The following THADA variants were observed in gnomAD, a reference collection of about 807,000 sequenced individuals.
The protein encoded by THADA is tRNA (32-2'-O)-methyltransferase regulator THADA.
THADA carries 213 observed loss-of-function variants against 219.8 expected under a neutral mutation model. The observed-to-expected ratio is 0.97, with a 90% CI of 0.87 to 1.09. THADA has a LOEUF of 1.09. Ranked by LOEUF, THADA falls within the 50% of genes least tolerant of loss-of-function variation. The pLI is 0.00. For missense variants in THADA, 2,956 were observed against 2,311.3 expected, an observed-to-expected ratio of 1.28 and a Z score of -5.72; for synonymous variants, 1,018 against 828.9, an observed-to-expected ratio of 1.23 and a Z score of -3.92.
At chr2:43,367,157 T>C (rs1328082432) in intron 29 of THADA, among the ~76,000 whole-genome samples, 1 of 152,036 alleles carries the variant, frequency 6.6e-6, no homozygotes, top group Non-Finnish European at 1.5e-5. Context: ...GAAAATAGAA[T>C]GGTAGTTGCT....
At chr2:43,461,230 C>A (rs1367193880) in intron 26 of THADA, among the ~76,000 whole-genome samples, 1 of 152,118 alleles carries the variant, frequency 6.6e-6, no homozygotes, top group East Asian at 1.9e-4. Context: ...GTCTACACTG[C>A]CCACACAAAA....
chr2:43,400,396 A>G (rs1674653758), intron 28 of THADA, among the ~76,000 whole-genome samples: 1 of 150,062 alleles, frequency 6.7e-6, no homozygotes, highest in East Asian at 1.9e-4. Flanking sequence ...TTCATTATAA[A>G]GCAATGGTTA....
At chr2:43,529,407 G>A (rs1340148185) in intron 21 of THADA, among the ~76,000 whole-genome samples, 1 of 152,136 alleles carries the variant, frequency 6.6e-6, no homozygotes, top group African/African-American at 2.4e-5. Flanking sequence ...ATTCACAGGT[G>A]TGATCACTGT....
chr2:43,506,491 A>T (rs1315966148), intron 23 of THADA, among the ~76,000 whole-genome samples: 2 of 152,226 alleles, frequency 1.3e-5, no homozygotes. Flanking sequence ...CGTATACTGT[A>T]TGATTCCATA....
chr2:43,390,662 T>C (rs1340688806), intron 29 of THADA, among the ~76,000 whole-genome samples: 9 of 152,204 alleles, frequency 5.9e-5, no homozygotes, highest in Non-Finnish European at 8.8e-5. Flanking sequence ...AGTTCTGATA[T>C]GTTTTATTGA....
intron 22 of THADA, among the ~76,000 whole-genome samples, chr2:43,525,306 TCTC>T (rs1693025506): frequency 6.6e-6 from 1 of 152,186 alleles, no homozygotes; most frequent in South Asian, 2.1e-4. Flanking sequence ...TACCACAACA[TCTC>T]CTATCTGCGT....
intron 36 of THADA, among the ~76,000 whole-genome samples, chr2:43,258,474 A>T (rs1670569404): frequency 6.6e-6 from 1 of 152,338 alleles, no homozygotes; most frequent in South Asian, 2.1e-4. Flanking sequence ...GTGAGCCGAG[A>T]TCGTGCCATT....
At chr2:43,360,094 C>T (rs1227569898) in intron 29 of THADA, among the ~76,000 whole-genome samples, 5 of 152,230 alleles carry the variant, frequency 3.3e-5, no homozygotes, top group African/African-American at 1.2e-4. Flanking sequence ...TCTACTCATC[C>T]ATTCAGGCTC....
chr2:43,359,011 C>G (rs566646696), intron 29 of THADA, among the ~76,000 whole-genome samples: 1 of 152,100 alleles, frequency 6.6e-6, no homozygotes, highest in African/African-American at 2.4e-5. Context: ...TGCCCTTCCC[C>G]CTCCATCTAG....
At chr2:43,530,314 T>G (rs1040274855) in intron 21 of THADA, among the ~76,000 whole-genome samples, 8 of 152,192 alleles carry the variant, frequency 5.3e-5, no homozygotes, top group Non-Finnish European at 1.0e-4. Context: ...TATTTTGTCT[T>G]CAATGTGGTA....
intron 29 of THADA, among the ~76,000 whole-genome samples, chr2:43,383,771 A>G (rs921904761): frequency 1.3e-5 from 2 of 152,182 alleles, no homozygotes; most frequent in African/African-American, 4.8e-5. Flanking sequence ...GACCTCAGGA[A>G]ATGAGTGCTT....
rs1021305046 is a variant in THADA at position 43,567,530 on chromosome 2, G to A, written c.2188-709C>T. 2.0e-5 allele frequency among the ~76,000 whole-genome samples: 3 copies of A among 152,186 alleles called. No homozygotes were observed. In the East Asian group the frequency reaches 5.8e-4, roughly 29 times the overall value. On this transcript the variant is annotated intron_variant, in intron 14 of 37. Coordinates refer to ENST00000405975, the MANE Select transcript of THADA (RefSeq NM_022065.5). ...TAGTCCCAGCTACTCGGGAGGCTGAGGCAGGAGAATTGCTTGAACCCAGGA... is the reference window on the plus strand; with the variant it reads ...TAGTCCCAGCTACTCGGGAGGCTGAAGCAGGAGAATTGCTTGAACCCAGGA...
At chr2:43,520,179 G>A (rs1014211090) in intron 22 of THADA, among the ~76,000 whole-genome samples, 4 of 152,164 alleles carry the variant, frequency 2.6e-5, no homozygotes, top group Admixed American at 6.5e-5. Flanking sequence ...CAGCTATGGG[G>A]AATTCCAAAA....
At chr2:43,355,111 T>G (rs955169246) in intron 29 of THADA, among the ~76,000 whole-genome samples, 1 of 152,210 alleles carries the variant, frequency 6.6e-6, no homozygotes, top group African/African-American at 2.4e-5. Flanking sequence ...GAGAACAAAC[T>G]AATACACCAT....
intron 7 of THADA, among the ~76,000 whole-genome samples, chr2:43,583,854 G>A (rs1410283968): frequency 1.3e-5 from 2 of 151,912 alleles, no homozygotes; most frequent in Admixed American, 6.6e-5. Flanking sequence ...ACCAGCCAGG[G>A]CAACACGGTA....
chr2:43,546,018 C>T lies in THADA; in HGVS notation c.3106+3192G>A, dbSNP rs866055927. On this transcript the variant is annotated intron_variant, in intron 20 of 37. Coordinates refer to ENST00000405975, the MANE Select transcript of THADA (RefSeq NM_022065.5). ...TTTCTCTTGTGGGCATTTAGTGCTA[C>T]AAATTTCCCTCTACACACTGCTTTG... Among the ~76,000 whole-genome samples the T allele has an allele frequency of 6.0e-5, 9 of 150,452 alleles. No homozygotes were observed. In the South Asian group the frequency reaches 1.1e-3, roughly 18 times the overall value.
chr2:43,488,358 G>A (rs1225108182), intron 25 of THADA, among the ~76,000 whole-genome samples: 1 of 152,110 alleles, frequency 6.6e-6, no homozygotes, highest in Admixed American at 6.6e-5. Context: ...TCCTGCAGTA[G>A]GAAAGCACAA....
At position 43,409,112 on chromosome 2, in the gene THADA, G is replaced by C. The variant is rs145232442; in HGVS notation, c.4059-10973C>G. The stretch of plus-strand genomic sequence containing the variant: ...ATTTTGCATCTACAGAGGGTTAAAT[G>C]AATCTTCCCAGTGCCATCAGCTAAA... On this transcript the variant is annotated intron_variant, in intron 28 of 37. Coordinates refer to ENST00000405975, the MANE Select transcript of THADA (RefSeq NM_022065.5). 5.5e-3 allele frequency among the ~76,000 whole-genome samples: 836 copies of C among 152,294 alleles called. 4 individuals carry two copies. The highest frequency in any genetic ancestry group is 9.2e-3 in the Non-Finnish European group (627 of 68,024).
intron 26 of THADA, among the ~76,000 whole-genome samples, chr2:43,473,426 T>G (rs954922827): frequency 1.1e-4 from 16 of 152,130 alleles, no homozygotes; most frequent in African/African-American, 3.6e-4. Flanking sequence ...TTGTCTCCTA[T>G]GAGAACGACA....
Sources: gnomAD v4.1 joint callset for allele counts (sites outside exome capture counted in the v4.1 genomes callset) on GRCh38, gnomAD v4.1.1 for gene constraint, MANE v1.5 for transcripts, NCBI Gene and HGNC (gene_info 2026-07-23, HGNC 2026-07-21) for gene names.